Variants in NR6A1 observed in about 807,000 individuals in gnomAD.
The protein encoded by NR6A1 is nuclear receptor subfamily 6 group A member 1, also known as retinoic acid receptor-related testis-associated receptor.
In NR6A1, 7 loss-of-function variants were observed where a neutral mutation model predicts 59.1. The observed-to-expected ratio is 0.12, with a 90% CI of 0.07 to 0.22. NR6A1 has a LOEUF of 0.22. NR6A1 is among the 10% of genes least tolerant of loss of function. The pLI, the probability that NR6A1 is intolerant of heterozygous loss-of-function variation, is 1.00. For synonymous variants in NR6A1, 243 were observed against 236.1 expected, an observed-to-expected ratio of 1.03 and a Z score of -0.27; for missense variants, 468 against 611.6, an observed-to-expected ratio of 0.77 and a Z score of 2.48.
chr9:124,686,471 A>C (rs533681499), intron 2 of NR6A1, among the ~76,000 whole-genome samples: 1 of 152,216 alleles, frequency 6.6e-6, no homozygotes, highest in African/African-American at 2.4e-5. Flanking sequence ...ATTGGTTCCT[A>C]TTGCTTTTAC....
intron 2 of NR6A1, among the ~76,000 whole-genome samples, chr9:124,690,409 A>G (rs75383156): frequency 0.042 from 6,357 of 152,222 alleles, 191 homozygotes; most frequent in Non-Finnish European, 0.066. Flanking sequence ...AACCACCAAT[A>G]TTTCGTGGTT....
chr9:124,591,390 CAG>C (rs1835120811), intron 2 of NR6A1, among the ~76,000 whole-genome samples: 1 of 152,140 alleles, frequency 6.6e-6, no homozygotes, highest in Non-Finnish European at 1.5e-5. Flanking sequence ...GGCCAAGTGA[CAG>C]AGTCAAGCTG....
intron 2 of NR6A1, among the ~76,000 whole-genome samples, chr9:124,589,301 C>T (rs1835036585): frequency 6.6e-6 from 1 of 152,018 alleles, no homozygotes; most frequent in Non-Finnish European, 1.5e-5. Context: ...AAAAAATTAG[C>T]CGGGCGCGGT....
chr9:124,660,435 G>A (rs1176867216), intron 2 of NR6A1, among the ~76,000 whole-genome samples: 1 of 152,056 alleles, frequency 6.6e-6, no homozygotes, highest in South Asian at 2.1e-4. Flanking sequence ...ATGACGATTC[G>A]AAAAGTCCAT....
intron 2 of NR6A1, among the ~76,000 whole-genome samples, chr9:124,595,562 A>T (rs962335400): frequency 4.6e-5 from 7 of 152,122 alleles, no homozygotes; most frequent in African/African-American, 1.4e-4. Flanking sequence ...GTTCTCTCTC[A>T]CTTTTCTCCA....
chr9:124,665,688 T>A (rs1837591831), intron 2 of NR6A1, among the ~76,000 whole-genome samples: 1 of 152,218 alleles, frequency 6.6e-6, no homozygotes, highest in Non-Finnish European at 1.5e-5. Flanking sequence ...TGACACATGC[T>A]ATAATGATCA....
chr9:124,556,842 A>G (rs1839754141), intron 2 of NR6A1, among the ~76,000 whole-genome samples: 1 of 151,068 alleles, frequency 6.6e-6, no homozygotes, highest in Admixed American at 6.6e-5. Flanking sequence ...GTAATTTGTT[A>G]CAGCAGCACA....
chr9:124,668,569 G>C (rs918648852), intron 2 of NR6A1, among the ~76,000 whole-genome samples: 1 of 152,082 alleles, frequency 6.6e-6, no homozygotes, highest in South Asian at 2.1e-4. Flanking sequence ...CTCACTCACA[G>C]AAAAAATTCT....
At chr9:124,610,314 A>G (rs934120690) in intron 2 of NR6A1, among the ~76,000 whole-genome samples, 5 of 152,026 alleles carry the variant, frequency 3.3e-5, no homozygotes, top group Admixed American at 2.6e-4. Context: ...ACATGAAGGG[A>G]TGTTGAATTT....
chr9:124,607,764 G>C (rs1290082568), intron 2 of NR6A1, among the ~76,000 whole-genome samples: 1 of 152,046 alleles, frequency 6.6e-6, no homozygotes, highest in Non-Finnish European at 1.5e-5. Context: ...ATAATACCTG[G>C]GTGGGCACGG....
intron 2 of NR6A1, among the ~76,000 whole-genome samples, chr9:124,587,725 G>A (rs887763936): frequency 3.3e-5 from 5 of 152,174 alleles, no homozygotes; most frequent in Non-Finnish European, 5.9e-5. Context: ...AGAAAGTGCT[G>A]GAGTCTGCAT....
rs368733697 is a variant in NR6A1 at position 124,683,261 on chromosome 9, GAAAAGGA to G, written c.142+50040_142+50046del. Among the ~76,000 whole-genome samples, 362 of 146,734 alleles carry G rather than the reference GAAAAGGA, an allele frequency of 2.5e-3. 1 individual carries two copies. The highest frequency in any genetic ancestry group is 9.0e-3 in the African/African-American group (335 of 37,166). On this transcript the variant is annotated intron_variant, in intron 2 of 9. Transcript: ENST00000487099. ...GGAAAAGGAAAAGGAAAAGGAAAAG[GAAAAGGA>G]AAAGACAAGACAAAACAAGACTTGA... is the stretch of plus-strand genomic sequence containing the variant.
At chr9:124,628,173 G>A (rs1440818643) in intron 2 of NR6A1, among the ~76,000 whole-genome samples, 5 of 151,108 alleles carry the variant, frequency 3.3e-5, no homozygotes, top group Non-Finnish European at 7.4e-5. Context: ...GACTACAGGC[G>A]CACGCCACCA....
chr9:124,633,467 A>G (rs1397815313), intron 2 of NR6A1, among the ~76,000 whole-genome samples: 1 of 152,036 alleles, frequency 6.6e-6, no homozygotes, highest in East Asian at 1.9e-4. Context: ...GGGGTAGGGT[A>G]AAGAGAACTA....
At chr9:124,739,320 AT>A (rs1221257018) in intron 1 of NR6A1, among the ~76,000 whole-genome samples, 1 of 152,198 alleles carries the variant, frequency 6.6e-6, no homozygotes, top group Non-Finnish European at 1.5e-5. Flanking sequence ...TAACCATCAC[AT>A]TCAATTGTCA....
intron 1 of NR6A1, among the ~76,000 whole-genome samples, chr9:124,740,917 G>C (rs1840157554): frequency 6.6e-6 from 1 of 152,126 alleles, no homozygotes; most frequent in Non-Finnish European, 1.5e-5. Flanking sequence ...ATAAATGTTT[G>C]AAGAACTGTT....
intron 2 of NR6A1, among the ~76,000 whole-genome samples, chr9:124,586,885 T>C (rs933920733): frequency 1.3e-4 from 20 of 152,350 alleles, no homozygotes; most frequent in African/African-American, 4.3e-4. Flanking sequence ...ATTAACTTCA[T>C]TGATAAAGCA....
intron 2 of NR6A1, among the ~76,000 whole-genome samples, chr9:124,632,497 C>T (rs1299801872): frequency 6.6e-6 from 1 of 152,182 alleles, no homozygotes; most frequent in Non-Finnish European, 1.5e-5. Flanking sequence ...CCTTTGTCCA[C>T]TTTTTAACGG....
chr9:124,592,667 C>T (rs1363386264), intron 2 of NR6A1, among the ~76,000 whole-genome samples: 4 of 152,148 alleles, frequency 2.6e-5, no homozygotes, highest in African/African-American at 7.2e-5. Flanking sequence ...TAATTTCAAG[C>T]GCAGGTCTCC....
Sources: gnomAD v4.1 joint callset for allele counts (sites outside exome capture counted in the v4.1 genomes callset) on GRCh38, gnomAD v4.1.1 for gene constraint, MANE v1.5 for transcripts, NCBI Gene and HGNC (gene_info 2026-07-23, HGNC 2026-07-21) for gene names.